The following HELLS variants were observed in gnomAD, a reference collection of about 807,000 sequenced individuals.
The protein encoded by HELLS is helicase, lymphoid specific, also known as lymphoid-specific helicase.
HELLS carries 32 observed loss-of-function variants against 120.0 expected under a neutral mutation model. That is an observed-to-expected ratio of 0.27 (90% CI 0.20 to 0.36). The LOEUF (loss-of-function observed/expected upper bound fraction) is 0.36, where lower values mean the gene tolerates loss of function less well. HELLS is among the 10% of genes least tolerant of loss of function. HELLS has a pLI of 1.00. For missense variants in HELLS, 650 were observed against 993.4 expected (o/e 0.65, Z 4.65); for synonymous variants, 341 against 323.4 (o/e 1.05, Z -0.58).
Position 94,546,630 on chromosome 10 carries a change from C to T in HELLS, c.153+132C>T, listed in dbSNP as rs987694295. The T allele has an allele frequency of 3.0e-5, 30 of 988,342 alleles. No homozygotes were observed. The Admixed American group carries it at 3.6e-4, about 12-fold the overall frequency. 61.2% of individuals were successfully genotyped at this position (988,342 alleles called of 1,614,324 possible). On this transcript the variant is annotated intron_variant, in intron 2 of 21. Transcript: ENST00000348459. The stretch of plus-strand genomic sequence containing the variant: ...TAACTGAAAGAAAACAGCTTTATTA[C>T]TTGTCTTTTTTGTATGTTTACAGAT...
downstream of HELLS, among the ~76,000 whole-genome samples, chr10:94,606,779 T>A (rs749695472): frequency 6.6e-6 from 1 of 152,224 alleles, no homozygotes; most frequent in Non-Finnish European, 1.5e-5. Context: ...CTTGGGATCA[T>A]TTACTGTTCC....
chr10:94,594,678 T>C lies in HELLS; in HGVS notation c.2089-17T>C. The C allele has an allele frequency of 4.4e-6, 7 of 1,579,102 alleles. No homozygotes were observed. The highest frequency in any genetic ancestry group is 6.0e-6 in the Non-Finnish European group (7 of 1,163,602). ...AACCTAATACCGTTAAATATTATTTTTCTTTTTAACTTTAAGAACCCCCAG... is the reference window on the plus strand; with the variant it reads ...AACCTAATACCGTTAAATATTATTTCTCTTTTTAACTTTAAGAACCCCCAG... On this transcript the variant is annotated splice_polypyrimidine_tract_variant and intron_variant, in intron 18 of 21. Coordinates refer to ENST00000348459, the MANE Select transcript of HELLS (RefSeq NM_018063.5).
chr10:94,608,757 G>A (rs1373300658), intron 9 of HELLS, among the ~76,000 whole-genome samples: 1 of 151,878 alleles, frequency 6.6e-6, no homozygotes, highest in African/African-American at 2.4e-5. Flanking sequence ...AGCTGGGACT[G>A]CAAACGTGTG....
intron 15 of HELLS, among the ~76,000 whole-genome samples, chr10:94,591,941 T>A (rs1019706279): frequency 1.3e-5 from 2 of 152,228 alleles, no homozygotes; most frequent in Non-Finnish European, 2.9e-5. Flanking sequence ...TATGTACCCA[T>A]TAAGTTTGAC....
At chr10:94,585,945 T>C (rs946103397) in intron 12 of HELLS, among the ~76,000 whole-genome samples, 2 of 152,086 alleles carry the variant, frequency 1.3e-5, no homozygotes, top group Non-Finnish European at 2.9e-5. Flanking sequence ...AGGAAAAACA[T>C]ATATAAATAC....
At position 94,574,630 on chromosome 10, in the gene HELLS, C is replaced by T. The variant is rs768434287; in HGVS notation, c.782C>T (p.Thr261Ile). The change falls in exon 9 of 22, where the codon ACT becomes ATT. Residue 261 changes from threonine (T) to isoleucine (I), a missense_variant. Physicochemically the swap from Thr to Ile is moderately conservative, Grantham distance 89. Transcript: ENST00000348459. ...GLGKTVQCIA[T>I]IALMIQRGVP... ...GGTAAGACAGTTCAGTGCATTGCTA[C>T]TATTGCATTGATGATTCAGAGAGGA... is the stretch of plus-strand genomic sequence containing the variant. 41 of 1,611,284 alleles carry T rather than the reference C, an allele frequency of 2.5e-5. No homozygotes were observed. Among genetic ancestry groups the T allele is most frequent in the Non-Finnish European group, 3.3e-5 (39 of 1,177,568 alleles).
chr10:94,568,235 C>T (rs1444082833), intron 6 of HELLS, among the ~76,000 whole-genome samples: 4 of 150,478 alleles, frequency 2.7e-5, no homozygotes, highest in African/African-American at 4.9e-5. Flanking sequence ...AAAGAGTAGC[C>T]TGTGCATATT....
Position 94,593,513 on chromosome 10 carries a change from C to G in HELLS, c.1986C>G (p.Asn662Lys), listed in dbSNP as rs1845592468. 1.2e-6 allele frequency: 2 copies of G among 1,611,420 alleles called. No individual in the cohort carries two copies. The highest frequency in any genetic ancestry group is 1.7e-6 in the Non-Finnish European group (2 of 1,177,716). Residue 662 changes from asparagine to lysine, a missense_variant, in exon 18 of 22, where the codon AAC becomes AAG. By Grantham distance (94) the Asn-to-Lys change is moderately conservative. This residue lies in a region of HELLS where 191 missense variants were observed against 259.7 expected (regional missense o/e 0.74). Coordinates refer to ENST00000348459, the MANE Select transcript of HELLS (RefSeq NM_018063.5). ...SEREKNMHSF[N>K]TDPEVFIFLV... is the part of the protein sequence containing the mutation. ...TTTGCTTTTAGATGCACAGCTTCAA[C>G]ACGGATCCAGAGGTGTTTATCTTCT...
intron 12 of HELLS, among the ~76,000 whole-genome samples, chr10:94,585,994 T>C (rs1384701001): frequency 6.6e-6 from 1 of 151,470 alleles, no homozygotes; most frequent in Non-Finnish European, 1.5e-5. Context: ...AGTGTGCCTC[T>C]TCTTCCACAT....
At chr10:94,600,817 AT>A (rs1268676829) in intron 21 of HELLS, among the ~76,000 whole-genome samples, 6 of 152,222 alleles carry the variant, frequency 3.9e-5, no homozygotes, top group Admixed American at 3.3e-4. Context: ...GGTTTCATAG[AT>A]TTTAATTACA....
chr10:94,602,939 C>G (rs1846081320), downstream of HELLS, among the ~76,000 whole-genome samples: 1 of 152,144 alleles, frequency 6.6e-6, no homozygotes, highest in African/African-American at 2.4e-5. Flanking sequence ...TCCTAAATGA[C>G]TGGTTTCATA....
intron 4 of HELLS, among the ~76,000 whole-genome samples, chr10:94,562,382 G>A (rs1843602693): frequency 6.6e-6 from 1 of 151,986 alleles, no homozygotes; most frequent in African/African-American, 2.4e-5. Context: ...TATCCTGGGC[G>A]ACAAGAGTGA....
chr10:94,567,976 C>T (rs1179341104), intron 6 of HELLS, among the ~76,000 whole-genome samples: 1 of 141,688 alleles, frequency 7.1e-6, no homozygotes, highest in African/African-American at 2.7e-5. Context: ...GTGCTGCGAT[C>T]TTGACTCACT....
intron 19 of HELLS, 43 bp downstream of exon 19, chr10:94,594,897 T>C (rs780590391): frequency 2.1e-6 from 3 of 1,417,006 alleles, no homozygotes; most frequent in East Asian, 2.3e-5. Context: ...AAATTGTGCA[T>C]TGTGTGTTGT....
intron 3 of HELLS, 70 bp from the exon 4 acceptor site, chr10:94,558,069 G>T: frequency 1.3e-6 from 2 of 1,509,032 alleles, no homozygotes; most frequent in Admixed American, 2.5e-5. Flanking sequence ...AGTTATTTGA[G>T]AATTGATATG....
In HELLS at chr10:94,571,411, A is replaced by T; in HGVS notation, c.459A>T (p.Lys153Asn). 6.7e-7 allele frequency: 1 copy of T among 1,498,560 alleles called. No individual in the cohort carries two copies. Among genetic ancestry groups the T allele is most frequent in the African/African-American group, 1.4e-5 (1 of 72,668 alleles). The allele number at this position is 1,498,560 out of a possible 1,614,324, so 92.8% of individuals were successfully genotyped here. A position where few individuals can be genotyped will look rare whatever the true frequency, so the allele number is the denominator to read the frequency against. The change falls in exon 7 of 22, where the codon AAA becomes AAT. Residue 153 changes from lysine (K) to asparagine (N), a missense_variant. This residue lies in a region of HELLS where 113 missense variants were observed against 120.7 expected (regional missense o/e 0.94). Coordinates refer to ENST00000348459, the MANE Select transcript of HELLS (RefSeq NM_018063.5). ...AGGAAATTTTGTCTGTGGCTAAAAA[A>T]AATAAAAAGGAGAATGAGGTAAGAA... ...SKEEILSVAK[K>N]NKKENEDENS...
downstream of HELLS, among the ~76,000 whole-genome samples, chr10:94,603,645 A>G (rs902475242): frequency 6.6e-6 from 1 of 152,152 alleles, no homozygotes; most frequent in Non-Finnish European, 1.5e-5. Context: ...CTTGATAACT[A>G]TATCTGTACT....
intron 13 of HELLS, among the ~76,000 whole-genome samples, chr10:94,588,936 C>T (rs896696471): frequency 7.9e-5 from 12 of 152,096 alleles, no homozygotes; most frequent in Non-Finnish European, 1.5e-4. Flanking sequence ...CACCTGAGGT[C>T]GGGAATTTGA....
At chr10:94,553,252 C>CTTT (rs773880491) in intron 2 of HELLS, among the ~76,000 whole-genome samples, 1 of 144,756 alleles carries the variant, frequency 6.9e-6, no homozygotes, top group Non-Finnish European at 1.5e-5. Flanking sequence ...TTACACATAC[C>CTTT]TTTTTTTTTT....
Sources: allele counts gnomAD v4.1 joint callset (sites outside exome capture counted in the v4.1 genomes callset), GRCh38; gene constraint gnomAD v4.1.1; regional missense constraint gnomAD v4.1.1; transcripts MANE v1.5; gene names NCBI Gene and HGNC (gene_info 2026-07-23, HGNC 2026-07-21).